The following JAKMIP2 variants were observed in gnomAD, a reference collection of about 807,000 sequenced individuals.
The protein encoded by JAKMIP2 is janus kinase and microtubule-interacting protein 2.
JAKMIP2 carries 25 observed loss-of-function variants against 115.0 expected under a neutral mutation model. The observed-to-expected ratio is 0.22, with a 90% confidence interval of 0.16 to 0.30. JAKMIP2 has a LOEUF of 0.30. Ranked by LOEUF, JAKMIP2 falls within the 10% of genes least tolerant of loss-of-function variation. JAKMIP2 has a pLI of 1.00. For synonymous variants in JAKMIP2, 334 were observed against 343.6 expected (o/e 0.97, Z 0.31); for missense variants, 642 against 957.6 (o/e 0.67, Z 4.35).
chr5:147,601,909 T>C, intron 20 of JAKMIP2, 98 bp from the exon 21 acceptor site: 1 of 602,480 alleles, frequency 1.7e-6, no homozygotes, highest in Non-Finnish European at 2.9e-6. Context: ...TCAAGTCTAA[T>C]CACTTCACAC....
intron 1 of JAKMIP2, among the ~76,000 whole-genome samples, chr5:147,747,176 C>T (rs950973301): frequency 4.6e-5 from 7 of 152,082 alleles, no homozygotes; most frequent in Non-Finnish European, 5.9e-5. Flanking sequence ...GGCAGTGCCA[C>T]GGTGCAACCA....
intron 1 of JAKMIP2, among the ~76,000 whole-genome samples, chr5:147,779,260 T>C (rs1285063934): frequency 6.6e-6 from 1 of 152,110 alleles, no homozygotes; most frequent in Non-Finnish European, 1.5e-5. Flanking sequence ...TGTGTCTTAA[T>C]TAAAACAAGT....
intron 2 of JAKMIP2, 77 bp downstream of exon 2, chr5:147,671,601 G>A (rs1410528431): frequency 1.6e-6 from 2 of 1,249,354 alleles, no homozygotes; most frequent in African/African-American, 1.5e-5. Context: ...TAGGCCAGCA[G>A]GCAGAGCTGT....
chr5:147,626,339 C>T (rs971476248), intron 16 of JAKMIP2, among the ~76,000 whole-genome samples: 1 of 152,160 alleles, frequency 6.6e-6, no homozygotes, highest in Non-Finnish European at 1.5e-5. Flanking sequence ...GTCCCTATAC[C>T]TTTCTTGCAA....
intron 1 of JAKMIP2, among the ~76,000 whole-genome samples, chr5:147,721,363 G>C (rs1321542792): frequency 6.6e-6 from 1 of 152,244 alleles, no homozygotes; most frequent in South Asian, 2.1e-4. Flanking sequence ...TCCTTGAGCT[G>C]TGGTGGGCTC....
At chr5:147,690,958 TG>T (rs953535194) in intron 1 of JAKMIP2, among the ~76,000 whole-genome samples, 1 of 152,210 alleles carries the variant, frequency 6.6e-6, no homozygotes, top group Middle Eastern at 3.4e-3. Flanking sequence ...AACACCTTCC[TG>T]GGGGTAGGTG....
At chr5:147,612,247 A>C (rs935996381) in intron 20 of JAKMIP2, 59 bp downstream of exon 20, 3 of 1,156,374 alleles carry the variant, frequency 2.6e-6, no homozygotes, top group South Asian at 2.5e-5. Context: ...CAGTGAGCAA[A>C]ATCAATATTG....
At chr5:147,637,364 C>T (rs762289804) in intron 10 of JAKMIP2, among the ~76,000 whole-genome samples, 7 of 151,760 alleles carry the variant, frequency 4.6e-5, no homozygotes, top group Admixed American at 6.6e-5. Flanking sequence ...TGTAACTCTC[C>T]ACTCTTCTCT....
At chr5:147,693,169 A>G (rs1374738360) in intron 1 of JAKMIP2, among the ~76,000 whole-genome samples, 5 of 152,216 alleles carry the variant, frequency 3.3e-5, no homozygotes, top group Non-Finnish European at 7.3e-5. Flanking sequence ...ATGCTTAAGG[A>G]CAAGAACTCT....
rs889558965 is a variant in JAKMIP2 at position 147,588,403 on chromosome 5, G to A, written c.*3304C>T. 2 of 146,106 alleles carry A rather than the reference G, an allele frequency of 1.4e-5. No homozygotes were observed. Among genetic ancestry groups the A allele is most frequent in the Non-Finnish European group, 3.0e-5 (2 of 66,796 alleles). The allele number at this position is 146,106 out of a possible 1,614,324, so 9.1% of individuals were successfully genotyped here. On this transcript the variant is annotated 3_prime_UTR_variant, in exon 22 of 22. Transcript: ENST00000616793. ...GGGGCCACAGGAAATCTCAGTTATTGATAACTTTTTTTTTTTTTTTTTTGC... is the reference window on the plus strand; with the variant it reads ...GGGGCCACAGGAAATCTCAGTTATTAATAACTTTTTTTTTTTTTTTTTTGC...
chr5:147,642,162 C>T (rs6871278), intron 7 of JAKMIP2, among the ~76,000 whole-genome samples: 6,974 of 152,208 alleles, frequency 0.046, 518 homozygotes, highest in African/African-American at 0.16. Flanking sequence ...AAACCGTATT[C>T]TTTTCATTTA....
At chr5:147,626,758 A>G (rs1042402860) in intron 16 of JAKMIP2, among the ~76,000 whole-genome samples, 1 of 152,214 alleles carries the variant, frequency 6.6e-6, no homozygotes, top group African/African-American at 2.4e-5. Flanking sequence ...TGTGAGACAC[A>G]CAAGGCTGTA....
chr5:147,737,797 T>C (rs1259497133), intron 1 of JAKMIP2, among the ~76,000 whole-genome samples: 1 of 152,214 alleles, frequency 6.6e-6, no homozygotes, highest in African/African-American at 2.4e-5. Context: ...AAATTTAATA[T>C]ATAGTTCAGG....
chr5:147,772,204 G>A (rs370503480), intron 1 of JAKMIP2, among the ~76,000 whole-genome samples: 3 of 152,158 alleles, frequency 2.0e-5, no homozygotes, highest in South Asian at 2.1e-4. Flanking sequence ...TATGAAAGAC[G>A]TAAATAATTG....
intron 9 of JAKMIP2, among the ~76,000 whole-genome samples, chr5:147,639,985 C>G (rs1198429083): frequency 6.6e-6 from 1 of 152,050 alleles, no homozygotes; most frequent in Admixed American, 6.6e-5. Context: ...GTAAAAGAAG[C>G]ATTTAGCATT....
At chr5:147,701,046 G>A (rs1561546340) in intron 1 of JAKMIP2, among the ~76,000 whole-genome samples, 1 of 152,070 alleles carries the variant, frequency 6.6e-6, no homozygotes, top group Non-Finnish European at 1.5e-5. Context: ...AGTCCTGTAG[G>A]CTATGGTAAG....
intron 1 of JAKMIP2, among the ~76,000 whole-genome samples, chr5:147,674,653 A>G (rs1007042445): frequency 1.3e-5 from 2 of 152,230 alleles, no homozygotes; most frequent in Non-Finnish European, 2.9e-5. Context: ...ACTGCTCACA[A>G]CGAGCCCATC....
intron 3 of JAKMIP2, among the ~76,000 whole-genome samples, chr5:147,653,135 T>C (rs1044778004): frequency 2.0e-5 from 3 of 152,228 alleles, no homozygotes; most frequent in Non-Finnish European, 4.4e-5. Flanking sequence ...GTTGGTTCCA[T>C]GTCTTTGCTA....
chr5:147,631,308 T>G (rs1030289179), intron 14 of JAKMIP2, 105 bp downstream of exon 14: 2 of 617,244 alleles, frequency 3.2e-6, no homozygotes, highest in African/African-American at 1.9e-5. Context: ...ATCAAAATGA[T>G]GACATCCAGT....
Sources: allele counts gnomAD v4.1 joint callset (sites outside exome capture counted in the v4.1 genomes callset), GRCh38; gene constraint gnomAD v4.1.1; transcripts MANE v1.5; gene names NCBI Gene and HGNC (gene_info 2026-07-23, HGNC 2026-07-21).